ESR1: variants seen among roughly 807,000 people sequenced by gnomAD.
ESR1 encodes the protein estrogen receptor 1.
A neutral mutation model predicts 52.7 loss-of-function variants in ESR1; 12 were observed. The ratio of observed to expected loss-of-function variants is 0.23; its 90% CI spans 0.15 to 0.37. The LOEUF (loss-of-function observed/expected upper bound fraction) is 0.37. Among genes scored for constraint, ESR1 ranks in the 10% least tolerant of loss-of-function variants. The pLI is 1.00. For missense variants in ESR1, 584 were observed against 779.7 expected, an observed-to-expected ratio of 0.75 and a Z score of 2.99; for synonymous variants, 305 against 316.8, an observed-to-expected ratio of 0.96 and a Z score of 0.39.
chr6:151,717,780 ATAAT>A (rs1262694975), intron 2 of ESR1, among the ~76,000 whole-genome samples: 2 of 152,206 alleles, frequency 1.3e-5, no homozygotes, highest in Admixed American at 6.5e-5. Context: ...TAAGAATTAG[ATAAT>A]TGATTGAATT....
intron 2 of ESR1, among the ~76,000 whole-genome samples, chr6:151,711,202 C>T (rs1436199093): frequency 1.3e-5 from 2 of 151,946 alleles, no homozygotes; most frequent in African/African-American, 4.8e-5. Flanking sequence ...CCACATCCTC[C>T]CCAGCATCTG....
intron 2 of ESR1, among the ~76,000 whole-genome samples, chr6:151,846,020 T>G (rs950562658): frequency 2.0e-5 from 3 of 152,116 alleles, no homozygotes; most frequent in Admixed American, 1.3e-4. Flanking sequence ...GTGAAGGCAG[T>G]GTCTTATAGG....
At chr6:151,929,860 A>C (rs1161659577) in intron 3 of ESR1, among the ~76,000 whole-genome samples, 3 of 152,198 alleles carry the variant, frequency 2.0e-5, no homozygotes, top group African/African-American at 7.2e-5. Context: ...TTGAATAAAA[A>C]TAAACCTGTG....
At position 152,100,432 on chromosome 6, in the gene ESR1, C is replaced by T. The variant is rs1253299162; in HGVS notation, c.*1466C>T. 1.1e-5 allele frequency: 3 copies of T among 267,966 alleles called. No homozygotes were observed. Among genetic ancestry groups the T allele is most frequent in the Non-Finnish European group, 1.4e-5 (2 of 141,914 alleles). 16.6% of individuals were successfully genotyped at this position (267,966 alleles called of 1,614,324 possible). A position where few individuals can be genotyped will look rare whatever the true frequency, so the allele number is the denominator to read the frequency against. On this transcript the variant is annotated 3_prime_UTR_variant, in exon 8 of 8. Transcript: ENST00000206249. ...CTTCCTCCCCCGCCCCGTTCCCTAC[C>T]GCCTCCACTCCTGCCAGCTCATTTC...
At chr6:151,663,189 G>A (rs1777699587) in intron 1 of ESR1, among the ~76,000 whole-genome samples, 1 of 152,188 alleles carries the variant, frequency 6.6e-6, no homozygotes, top group Non-Finnish European at 1.5e-5. Context: ...GTAATGCCTG[G>A]AATGGCACTG....
chr6:152,049,447 A>G lies in ESR1; in HGVS notation c.1236-11544A>G, dbSNP rs560065584. On this transcript the variant is annotated intron_variant, in intron 5 of 7. Transcript: ENST00000206249. ...TTACTCCCGTGTGACAGACAGCTTA[A>G]GAAAGACAATTGGACATCATGTGAC... 2.6e-5 allele frequency among the ~76,000 whole-genome samples: 4 copies of G among 152,342 alleles called. No individual in the cohort carries two copies. The East Asian group carries it at 7.7e-4, about 29-fold the overall frequency.
upstream of ESR1, among the ~76,000 whole-genome samples, chr6:151,802,496 T>C (rs142847775): frequency 9.6e-4 from 147 of 152,348 alleles, no homozygotes; most frequent in East Asian, 0.025. Flanking sequence ...TTTTTGTAAA[T>C]GTAAAATGCT....
At position 152,101,478 on chromosome 6, in the gene ESR1, A is replaced by G. The variant is rs906126227; in HGVS notation, c.*2512A>G. ...TTATTCATCCAATGTGTTTCTATTCATGTTAAGATACTACTACATTTGAAG... is the reference window on the plus strand; with the variant it reads ...TTATTCATCCAATGTGTTTCTATTCGTGTTAAGATACTACTACATTTGAAG... On this transcript the variant is annotated 3_prime_UTR_variant, in exon 8 of 8. Transcript: ENST00000206249. The G allele has an allele frequency of 1.3e-5, 3 of 232,464 alleles. No homozygotes were observed. Among genetic ancestry groups the G allele is most frequent in the Non-Finnish European group, 2.5e-5 (3 of 117,648 alleles). 14.4% of individuals were successfully genotyped at this position (232,464 alleles called of 1,614,324 possible). A position where few individuals can be genotyped will look rare whatever the true frequency, so the allele number is the denominator to read the frequency against.
chr6:151,707,164 A>G (rs1193418510), intron 2 of ESR1, among the ~76,000 whole-genome samples: 1 of 152,232 alleles, frequency 6.6e-6, no homozygotes, highest in Non-Finnish European at 1.5e-5. Flanking sequence ...TTATGCTTCC[A>G]TTTAAAAATG....
chr6:152,099,456 T>C lies in ESR1; in HGVS notation c.*490T>C. 1 of 285,350 alleles carries C rather than the reference T, an allele frequency of 3.5e-6. No homozygotes were observed. Among genetic ancestry groups the C allele is most frequent in the East Asian group, 5.0e-5 (1 of 20,042 alleles). The allele number at this position is 285,350 out of a possible 1,614,324, so 17.7% of individuals were successfully genotyped here. ...AAGGGTTTATTATAGCACCCTCTTG[T>C]ATTCCTATGGCAATGCATCCTTTTA... On this transcript the variant is annotated 3_prime_UTR_variant, in exon 8 of 8. Coordinates refer to ENST00000206249, the MANE Select transcript of ESR1 (RefSeq NM_000125.4).
intron 4 of ESR1, among the ~76,000 whole-genome samples, chr6:151,998,546 G>A (rs1019046793): frequency 2.0e-5 from 3 of 151,998 alleles, no homozygotes; most frequent in Non-Finnish European, 4.4e-5. Flanking sequence ...ATGCACTGGA[G>A]GAGGAGTATC....
chr6:152,025,633 G>A (rs1239695617), intron 5 of ESR1, among the ~76,000 whole-genome samples: 1 of 151,834 alleles, frequency 6.6e-6, no homozygotes, highest in Non-Finnish European at 1.5e-5. Context: ...AGAAACTTAG[G>A]TCAGCTAGTG....
At chr6:151,971,732 G>A (rs1333168968) in intron 4 of ESR1, among the ~76,000 whole-genome samples, 3 of 151,872 alleles carry the variant, frequency 2.0e-5, no homozygotes, top group Non-Finnish European at 1.5e-5. Context: ...GCAATCTAAG[G>A]TCACACCTCA....
chr6:151,658,191 T>C (rs987374776), intron 1 of ESR1, among the ~76,000 whole-genome samples: 11 of 152,218 alleles, frequency 7.2e-5, no homozygotes, highest in East Asian at 3.8e-4. Flanking sequence ...TAAATATTTA[T>C]TGATGGTCCT....
chr6:152,072,370 T>C lies in ESR1; in HGVS notation c.1369+11246T>C, dbSNP rs1472264934. ...GCCACTGATTTTTTTTTAAGTGATATTTTAAGAAAGAGGAGGGTTGATTTG... is the reference window on the plus strand; with the variant it reads ...GCCACTGATTTTTTTTTAAGTGATACTTTAAGAAAGAGGAGGGTTGATTTG... On this transcript the variant is annotated intron_variant, in intron 6 of 7. Coordinates refer to ENST00000206249, the MANE Select transcript of ESR1 (RefSeq NM_000125.4). 4.6e-5 allele frequency among the ~76,000 whole-genome samples: 7 copies of C among 152,214 alleles called. No individual in the cohort carries two copies. The East Asian group carries it at 1.3e-3, about 29-fold the overall frequency.
chr6:151,828,562 T>A (rs1055671808), intron 1 of ESR1, among the ~76,000 whole-genome samples: 1 of 152,094 alleles, frequency 6.6e-6, no homozygotes, highest in Non-Finnish European at 1.5e-5. Flanking sequence ...GGCTGCAAAG[T>A]ACATGGAAGG....
At chr6:151,690,569 A>G (rs1292472343) in exon 1 of ESR1, 1 of 152,250 alleles carries the variant, frequency 6.6e-6, no homozygotes, top group African/African-American at 2.4e-5. Context: ...CTCCATGCTC[A>G]GAAGCTCTTT....
intron 2 of ESR1, among the ~76,000 whole-genome samples, chr6:151,792,115 G>A (rs1307749034): frequency 1.3e-5 from 2 of 152,172 alleles, no homozygotes; most frequent in Admixed American, 1.3e-4. Flanking sequence ...GAATACTGCG[G>A]CAACTATAAA....
rs949074956 is a variant in ESR1 at position 151,838,881 on chromosome 6, A to G, written c.453-3716A>G. 4.6e-5 allele frequency among the ~76,000 whole-genome samples: 7 copies of G among 152,266 alleles called. 1 individual carries two copies. The highest frequency in any genetic ancestry group is 3.9e-4 in the East Asian group (2 of 5,172). The stretch of plus-strand genomic sequence containing the variant: ...GGGTCATCTTAGAGATAAAATGTAG[A>G]TGAATGGCATTTTGCTGACAGCATA... On this transcript the variant is annotated intron_variant, in intron 1 of 7. Coordinates refer to ENST00000206249, the MANE Select transcript of ESR1 (RefSeq NM_000125.4).
Sources: allele counts gnomAD v4.1 joint callset (sites outside exome capture counted in the v4.1 genomes callset), GRCh38; gene constraint gnomAD v4.1.1; transcripts MANE v1.5; gene names NCBI Gene and HGNC (gene_info 2026-07-23, HGNC 2026-07-21).